PNPLA7: variants seen among roughly 807,000 people sequenced by gnomAD.
PNPLA7 encodes patatin like domain 7, lysophospholipase.
Under a neutral mutation model 161.7 loss-of-function variants are expected in PNPLA7, and 153 were observed. The ratio of observed to expected loss-of-function variants is 0.95; its 90% CI spans 0.83 to 1.08. The LOEUF (loss-of-function observed/expected upper bound fraction) is 1.08, where lower values mean the gene tolerates loss of function less well. PNPLA7 is among the 50% of genes least tolerant of loss of function. The probability of loss-of-function intolerance (pLI) is 0.00; values close to 1 mark genes in which losing one functional copy is unlikely to be tolerated. For missense variants in PNPLA7, 1,739 were observed against 1,856.6 expected (o/e 0.94, Z 1.16); for synonymous variants, 809 against 782.1 (o/e 1.03, Z -0.57).
intron 20 of PNPLA7, among the ~76,000 whole-genome samples, chr9:137,485,999 C>A (rs117982725): frequency 6.6e-5 from 10 of 151,760 alleles, no homozygotes; most frequent in African/African-American, 2.4e-4. Context: ...GAGGCCACCG[C>A]GCCACCAGCC....
chr9:137,480,589 C>G, intron 22 of PNPLA7, 109 bp from the exon 23 acceptor site: 1 of 1,228,210 alleles, frequency 8.1e-7, no homozygotes, highest in Non-Finnish European at 1.1e-6. Context: ...GCTGCCCCTT[C>G]CCCTCCCTGC....
At chr9:137,530,412 T>C (rs999031564) in intron 8 of PNPLA7, among the ~76,000 whole-genome samples, 4 of 152,238 alleles carry the variant, frequency 2.6e-5, no homozygotes, top group African/African-American at 7.2e-5. Flanking sequence ...CTCTGGCCCT[T>C]GGGGGCCCTT....
At chr9:137,528,812 T>C (rs1375302028) in intron 8 of PNPLA7, among the ~76,000 whole-genome samples, 1 of 151,898 alleles carries the variant, frequency 6.6e-6, no homozygotes, top group Admixed American at 6.6e-5. Flanking sequence ...GCCATTCTCC[T>C]GCCTCAGCCT....
In PNPLA7 at chr9:137,543,760, G is replaced by C. The variant is rs1302411531; in HGVS notation, c.329C>G (p.Ala110Gly). 6 of 1,614,076 alleles carry C rather than the reference G, an allele frequency of 3.7e-6. No homozygotes were observed. The highest frequency in any genetic ancestry group is 1.7e-5 in the Admixed American group (1 of 60,024). ...VENTALPRQRARKRTKVLSLA... is the reference protein window; with the variant it reads ...VENTALPRQRGRKRTKVLSLA... ...AGACAGCACCTTGGTCCTCTTCCTG[G>C]CCCGCTGCCGGGGCAGGGCAGTGTT... The change falls in exon 5 of 35, where the codon GCC becomes GGC. Residue 110 changes from alanine to glycine, a missense_variant. Coordinates refer to ENST00000406427, the MANE Select transcript of PNPLA7 (RefSeq NM_001098537.3). The surrounding 1 kb of genome is among the most constrained non-coding windows in gnomAD (Gnocchi z 6.9).
Position 137,505,666 on chromosome 9 carries a change from T to C in PNPLA7, c.1421A>G (p.Asp474Gly), listed in dbSNP as rs778174924. 46 of 1,614,016 alleles carry C rather than the reference T, an allele frequency of 2.9e-5. 1 individual carries two copies. The East Asian group carries it at 1.0e-3, about 36-fold the overall frequency. The change falls in exon 14 of 35, where the codon GAT (aspartate) becomes GGT (glycine). Residue 474 changes from aspartate to glycine, a missense_variant. By Grantham distance (94) the Asp-to-Gly change is moderately conservative. Around this residue, in one of 6 missense-constraint regions of PNPLA7, gnomAD observed 481 missense variants for 450.0 expected, o/e 1.07. Coordinates refer to ENST00000406427, the MANE Select transcript of PNPLA7 (RefSeq NM_001098537.3). ...CTTCTTGGCAGCTCTGAAGATGGCA[T>C]CCGACTTCCTGCTGGCCAGGGTCTC... ...TDETLASRKS[D>G]AIFRAAKKDL... is the part of the protein sequence containing the mutation.
intron 20 of PNPLA7, among the ~76,000 whole-genome samples, chr9:137,487,712 G>C (rs917130373): frequency 6.6e-6 from 1 of 152,208 alleles, no homozygotes; most frequent in Non-Finnish European, 1.5e-5. Context: ...TCCTCTGGGG[G>C]AACCAGCCAC....
intron 11 of PNPLA7, among the ~76,000 whole-genome samples, chr9:137,518,002 T>C (rs1233559115): frequency 1.3e-4 from 9 of 71,486 alleles, no homozygotes; most frequent in African/African-American, 2.0e-4. Flanking sequence ...TCCACTCTGC[T>C]CACTCCATCC....
In PNPLA7 at chr9:137,547,706, G is replaced by T; in HGVS notation, c.31-47C>A. 6.4e-7 allele frequency: 1 copy of T among 1,573,812 alleles called. No homozygotes were observed. Among genetic ancestry groups the T allele is most frequent in the Non-Finnish European group, 8.7e-7 (1 of 1,144,400 alleles). On this transcript the variant is annotated intron_variant, in intron 1 of 34. Transcript: ENST00000406427. The surrounding 1 kb of genome is among the most constrained non-coding windows in gnomAD (Gnocchi z 4.6). ...CAGGTGGGCATGGACAGGCTTCCCA[G>T]CCCGAACTTGTTCAGAGCAGCAGGA...
At chr9:137,533,928 C>T (rs927565114) in intron 8 of PNPLA7, among the ~76,000 whole-genome samples, 2 of 151,530 alleles carry the variant, frequency 1.3e-5, no homozygotes, top group Non-Finnish European at 2.9e-5. Flanking sequence ...CCAGAATCCT[C>T]CCCAACAGTG....
chr9:137,502,197 G>C (rs141665814), intron 14 of PNPLA7, among the ~76,000 whole-genome samples: 178 of 152,282 alleles, frequency 1.2e-3, no homozygotes, highest in African/African-American at 3.8e-3. Context: ...AGAAGGCAGA[G>C]GTTGCAGTGG....
intron 32 of PNPLA7, 135 bp downstream of exon 32, chr9:137,461,796 C>G (rs1831211594): frequency 2.5e-6 from 3 of 1,206,772 alleles, no homozygotes; most frequent in Non-Finnish European, 3.4e-6. Context: ...TGTCCTGGCC[C>G]TGGAGTCTTT....
chr9:137,523,327 G>A lies in PNPLA7; in HGVS notation c.748-470C>T, dbSNP rs1056820939. Among the ~76,000 whole-genome samples, 31 of 151,990 alleles carry A rather than the reference G, an allele frequency of 2.0e-4. No individual in the cohort carries two copies. Among genetic ancestry groups the A allele is most frequent in the Non-Finnish European group, 5.9e-5 (4 of 68,006 alleles). ...CTGTCAAATGCCCACCGCCACAGTG[G>A]GGTCACCGCCTAGGACAGGGAGCGC... is the stretch of plus-strand genomic sequence containing the variant. On this transcript the variant is annotated intron_variant, in intron 8 of 34. Transcript: ENST00000406427. This position sits in a 1 kb window ranked among gnomAD's most constrained non-coding sequence, Gnocchi z 4.4.
intron 16 of PNPLA7, 42 bp from the exon 17 acceptor site, chr9:137,498,287 C>T: frequency 6.2e-7 from 1 of 1,600,940 alleles, no homozygotes; most frequent in South Asian, 1.1e-5. Flanking sequence ...ATCCCTCCAA[C>T]CCTACCCTTC....
chr9:137,546,948 G>C, intron 3 of PNPLA7, 39 bp from the exon 4 acceptor site: 1 of 1,589,532 alleles, frequency 6.3e-7, no homozygotes, highest in Non-Finnish European at 8.6e-7. Flanking sequence ...GTAGAGCCGT[G>C]GCACAGGCCT....
intron 1 of PNPLA7, among the ~76,000 whole-genome samples, chr9:137,549,044 C>G (rs895510573): frequency 6.6e-6 from 1 of 152,250 alleles, no homozygotes; most frequent in African/African-American, 2.4e-5. Flanking sequence ...AGGCCTATCA[C>G]GCGATGGCCC....
rs1466000923 is a variant in PNPLA7, at chr9:137,468,699, C to T, written c.2883-1226G>A. The stretch of plus-strand genomic sequence containing the variant: ...GTCAAAGGCTACACTGAGCTGACGT[C>T]ACACCACTGCACTCCAGCCTGGACT... On this transcript the variant is annotated intron_variant, in intron 25 of 34. Coordinates refer to ENST00000406427, the MANE Select transcript of PNPLA7 (RefSeq NM_001098537.3). The surrounding 1 kb of genome is among the most constrained non-coding windows in gnomAD (Gnocchi z 4.0). Among the ~76,000 whole-genome samples the T allele has an allele frequency of 6.6e-6, 1 of 152,094 alleles. No individual in the cohort carries two copies. The highest frequency in any genetic ancestry group is 1.9e-4 in the East Asian group (1 of 5,196).
At chr9:137,506,232 G>T in intron 12 of PNPLA7, 149 bp from the exon 13 acceptor site, 1 of 625,370 alleles carries the variant, frequency 1.6e-6, no homozygotes, top group Non-Finnish European at 2.8e-6. Context: ...TCCACACCCT[G>T]CTTTCTTTCG....
In PNPLA7 at chr9:137,468,903, A is replaced by G. The variant is rs576044857; in HGVS notation, c.2883-1430T>C. On this transcript the variant is annotated intron_variant, in intron 25 of 34. Coordinates refer to ENST00000406427, the MANE Select transcript of PNPLA7 (RefSeq NM_001098537.3). The surrounding 1 kb of genome is among the most constrained non-coding windows in gnomAD (Gnocchi z 4.0). ...GTTATGTATATTTTAACATAATAAA[A>G]AAAACCATATGTAATACTGCCACAG... Among the ~76,000 whole-genome samples, 13 of 152,292 alleles carry G rather than the reference A, an allele frequency of 8.5e-5. No individual in the cohort carries two copies. Among genetic ancestry groups the G allele is most frequent in the Admixed American group, 6.5e-4 (10 of 15,312 alleles).
intron 9 of PNPLA7, among the ~76,000 whole-genome samples, chr9:137,522,095 C>G (rs753118924): frequency 2.6e-5 from 4 of 152,054 alleles, no homozygotes; most frequent in South Asian, 4.1e-4. Flanking sequence ...TTTTTTTTGA[C>G]ATGGTGTCTC....
Sources: gnomAD v4.1 joint callset for allele counts (sites outside exome capture counted in the v4.1 genomes callset) on GRCh38, gnomAD v4.1.1 for gene constraint, gnomAD v4.1.1 regional missense constraint, Gnocchi (gnomAD v3.1) non-coding constraint, MANE v1.5 for transcripts, NCBI Gene and HGNC (gene_info 2026-07-23, HGNC 2026-07-21) for gene names.